The following PTK7 variants were observed in gnomAD, a reference collection of about 807,000 sequenced individuals.
The protein encoded by PTK7 is protein tyrosine kinase 7 (inactive).
Under a neutral mutation model 116.6 loss-of-function variants are expected in PTK7, and 39 were observed. That is an observed-to-expected ratio of 0.33 (90% confidence interval 0.26 to 0.44). The LOEUF (loss-of-function observed/expected upper bound fraction) is 0.44. Ranked by LOEUF, PTK7 falls within the 20% of genes least tolerant of loss-of-function variation. The pLI is 1.00. For missense variants in PTK7, 1,169 were observed against 1,425.6 expected (o/e 0.82, Z 2.90); for synonymous variants, 546 against 563.6 (o/e 0.97, Z 0.44).
intron 1 of PTK7, among the ~76,000 whole-genome samples, chr6:43,104,840 TCTCA>T (rs1346998579): frequency 7.7e-6 from 1 of 129,478 alleles, no homozygotes; most frequent in East Asian, 2.2e-4. Flanking sequence ...TGAGACGGAG[TCTCA>T]CTCTGTCGCC....
chr6:43,106,768 T>A (rs1405114888), intron 1 of PTK7, among the ~76,000 whole-genome samples: 2 of 149,024 alleles, frequency 1.3e-5, no homozygotes, highest in Admixed American at 6.8e-5. Flanking sequence ...ATTACAGGCG[T>A]GACACCCGGC....
intron 1 of PTK7, among the ~76,000 whole-genome samples, chr6:43,122,426 G>T (rs1769015718): frequency 6.6e-6 from 1 of 152,062 alleles, no homozygotes; most frequent in East Asian, 1.9e-4. Context: ...CAGGTTGAGG[G>T]CTGCTTCTCC....
chr6:43,077,072 T>G, intron 1 of PTK7: 1 of 1,254,758 alleles, frequency 8.0e-7, no homozygotes, highest in Non-Finnish European at 1.0e-6. Flanking sequence ...CGACCCGACG[T>G]TCCCGGCTTC....
In PTK7 at chr6:43,093,596, T is replaced by G. The variant is rs1033516912; in HGVS notation, c.79+17029T>G. Among the ~76,000 whole-genome samples, 8 of 152,050 alleles carry G rather than the reference T, an allele frequency of 5.3e-5. No individual in the cohort carries two copies. The East Asian group carries it at 1.4e-3, about 26-fold the overall frequency. On this transcript the variant is annotated intron_variant, in intron 1 of 19. Transcript: ENST00000230419. ...GTTTTCTTCCCCAGCAGCACACTTG[T>G]GTGGGGCTGATTCTAACTTTGTGGA...
intron 17 of PTK7, among the ~76,000 whole-genome samples, chr6:43,153,557 C>T (rs1771251896): frequency 6.6e-6 from 1 of 152,022 alleles, no homozygotes; most frequent in African/African-American, 2.4e-5. Context: ...CTACAGGCAC[C>T]CACCACCACA....
At position 43,158,979 on chromosome 6, in the gene PTK7, A is replaced by T. The variant is rs1344360690; in HGVS notation, c.2873+11A>T. On this transcript the variant is annotated intron_variant, in intron 18 of 19. Coordinates refer to ENST00000230419, the MANE Select transcript of PTK7 (RefSeq NM_002821.5). ...GGATGTGTACAACAGGTAGAAGGGC[A>T]TGCGTGGGGTGGGGGCTCCCCATTT... 1 of 1,612,742 alleles carries T rather than the reference A, an allele frequency of 6.2e-7. No homozygotes were observed. The highest frequency in any genetic ancestry group is 8.5e-7 in the Non-Finnish European group (1 of 1,179,098).
chr6:43,113,304 G>A (rs1022474347), intron 1 of PTK7, among the ~76,000 whole-genome samples: 4 of 151,984 alleles, frequency 2.6e-5, no homozygotes, highest in Non-Finnish European at 5.9e-5. Context: ...ATGGTGGCAC[G>A]TAGCTGTAGT....
At chr6:43,154,302 C>G (rs1029958194) in intron 17 of PTK7, among the ~76,000 whole-genome samples, 13 of 151,926 alleles carry the variant, frequency 8.6e-5, no homozygotes, top group African/African-American at 3.1e-4. Flanking sequence ...CACCACTGCA[C>G]TCCAGCCTGG....
At chr6:43,154,678 C>T (rs1290930563) in intron 17 of PTK7, among the ~76,000 whole-genome samples, 1 of 152,176 alleles carries the variant, frequency 6.6e-6, no homozygotes, top group Admixed American at 6.6e-5. Context: ...TGGCCACTGC[C>T]CAAGAAAACT....
intron 12 of PTK7, 42 bp from the exon 13 acceptor site, chr6:43,142,130 C>T (rs774540557): frequency 5.0e-6 from 8 of 1,611,888 alleles, no homozygotes; most frequent in African/African-American, 2.7e-5. Context: ...TGCAGCCCCC[C>T]TCCCTGCGAG....
chr6:43,086,036 C>A (rs566434948), intron 1 of PTK7, among the ~76,000 whole-genome samples: 1 of 152,082 alleles, frequency 6.6e-6, no homozygotes, highest in East Asian at 1.9e-4. Context: ...GGGAGCCACA[C>A]ACAGCCACAT....
chr6:43,147,559 T>C (rs1322298490), intron 17 of PTK7, among the ~76,000 whole-genome samples: 1 of 152,232 alleles, frequency 6.6e-6, no homozygotes, highest in Non-Finnish European at 1.5e-5. Flanking sequence ...CAGAAGGCTC[T>C]GCCCTTTCTC....
rs1770283470 is a variant in PTK7, at chr6:43,139,877, GC to G, written c.1618+354del. Among the ~76,000 whole-genome samples the G allele has an allele frequency of 6.6e-6, 1 of 152,244 alleles. No homozygotes were observed. The highest frequency in any genetic ancestry group is 1.5e-5 in the Non-Finnish European group (1 of 68,042). Reference sequence around the variant, plus strand: ...GCCTGTAATCCCAACACTTTGGGAAGCCGAGATGGGTGGGTCACTTGAGGCC... The same window carrying G: ...GCCTGTAATCCCAACACTTTGGGAAGCGAGATGGGTGGGTCACTTGAGGCC... On this transcript the variant is annotated intron_variant, in intron 10 of 19. Transcript: ENST00000230419. This position sits in a 1 kb window ranked among gnomAD's most constrained non-coding sequence, Gnocchi z 4.6.
intron 1 of PTK7, among the ~76,000 whole-genome samples, chr6:43,122,198 C>G (rs1412319786): frequency 1.3e-5 from 2 of 152,150 alleles, no homozygotes; most frequent in Non-Finnish European, 2.9e-5. Context: ...CAAGAGCAGT[C>G]CAGAGTTATC....
chr6:43,156,168 G>T (rs576348600), intron 17 of PTK7, among the ~76,000 whole-genome samples: 43 of 140,064 alleles, frequency 3.1e-4, no homozygotes, highest in Non-Finnish European at 5.7e-4. Flanking sequence ...GGCAGAGGTT[G>T]CAGTGAGCTG....
At position 43,143,467 on chromosome 6, in the gene PTK7, A is replaced by G; in HGVS notation, c.2098A>G (p.Lys700Glu). ...SEGPGSPPPY[K>E]MIQTIGLSVG... is the part of the protein sequence containing the mutation. ...GGGCCCTGGCAGCCCTCCCCCCTAC[A>G]AGATGATCCAGACCATTGGGTTGTC... The change falls in exon 14 of 20, where the codon AAG becomes GAG. Residue 700 changes from lysine to glutamate, a missense_variant. Coordinates refer to ENST00000230419, the MANE Select transcript of PTK7 (RefSeq NM_002821.5). The surrounding 1 kb of genome is among the most constrained non-coding windows in gnomAD (Gnocchi z 4.2). 1 of 1,613,908 alleles carries G rather than the reference A, an allele frequency of 6.2e-7. No individual in the cohort carries two copies.
chr6:43,159,820 C>T lies in PTK7; in HGVS notation c.2906C>T (p.Pro969Leu), dbSNP rs750090376. The stretch of plus-strand genomic sequence containing the variant: ...TACCACTTCCGCCAGGCCTGGGTGC[C>T]GCTGCGCTGGATGTCCCCCGAGGCC... ...EYYHFRQAWV[P>L]LRWMSPEAIL... is the part of the protein sequence containing the mutation. Residue 969 changes from proline to leucine, a missense_variant, in exon 19 of 20, where the codon CCG (proline) becomes CTG (leucine). Physicochemically the swap from Pro to Leu is moderately conservative, Grantham distance 98. This residue lies in a region of PTK7 where 678 missense variants were observed against 853.8 expected (regional missense o/e 0.79). Coordinates refer to ENST00000230419, the MANE Select transcript of PTK7 (RefSeq NM_002821.5). 4.3e-6 allele frequency: 7 copies of T among 1,614,080 alleles called. No individual in the cohort carries two copies. The highest frequency in any genetic ancestry group is 1.3e-5 in the African/African-American group (1 of 74,944).
intron 17 of PTK7, among the ~76,000 whole-genome samples, chr6:43,157,912 T>C (rs1771611099): frequency 6.6e-6 from 1 of 152,034 alleles, no homozygotes; most frequent in Admixed American, 6.5e-5. Context: ...TTTTTAGTAG[T>C]GCTGGGTTTA....
chr6:43,091,385 T>C (rs1766948133), intron 1 of PTK7, among the ~76,000 whole-genome samples: 1 of 152,136 alleles, frequency 6.6e-6, no homozygotes, highest in African/African-American at 2.4e-5. Context: ...CAGTCTGGTC[T>C]CCAACTCCTG....
Sources: allele counts gnomAD v4.1 joint callset (sites outside exome capture counted in the v4.1 genomes callset), GRCh38; gene constraint gnomAD v4.1.1; regional missense constraint gnomAD v4.1.1; non-coding constraint Gnocchi (gnomAD v3.1); transcripts MANE v1.5; gene names NCBI Gene and HGNC (gene_info 2026-07-23, HGNC 2026-07-21).